ADCY9: variants seen among roughly 807,000 people sequenced by gnomAD.
The protein encoded by ADCY9 is adenylate cyclase 9.
In ADCY9, 50 loss-of-function variants were observed where a neutral mutation model predicts 101.5. The ratio of observed to expected loss-of-function variants is 0.49; its 90% CI spans 0.39 to 0.62. The LOEUF is 0.62. Ranked by LOEUF, ADCY9 falls within the 20% of genes least tolerant of loss-of-function variation. The pLI is 0.00. For synonymous variants in ADCY9, 905 were observed against 769.3 expected (o/e 1.18, Z -2.92); for missense variants, 1,662 against 1,800.4 (o/e 0.92, Z 1.39).
intron 9 of ADCY9, among the ~76,000 whole-genome samples, chr16:3,975,730 A>G (rs986417442): frequency 6.6e-6 from 1 of 152,224 alleles, no homozygotes; most frequent in African/African-American, 2.4e-5. Flanking sequence ...CTGTAATTGT[A>G]AACAGGCGGT....
At position 3,963,364 on chromosome 16, in the gene ADCY9, A is replaced by G. The variant is rs1006737353; in HGVS notation, c.*2411T>C. 1.5e-5 allele frequency: 6 copies of G among 398,644 alleles called. No homozygotes were observed. The highest frequency in any genetic ancestry group is 2.7e-5 in the Non-Finnish European group (6 of 226,000). 24.7% of individuals were successfully genotyped at this position (398,644 alleles called of 1,614,324 possible). Reference sequence around the variant, plus strand: ...TGTGCTCGCTGCCAACAGACAAGAGATGCACGGCGTTTCCGCTGCAGAGAT... The same window carrying G: ...TGTGCTCGCTGCCAACAGACAAGAGGTGCACGGCGTTTCCGCTGCAGAGAT... On this transcript the variant is annotated 3_prime_UTR_variant, in exon 11 of 11. Coordinates refer to ENST00000294016, the MANE Select transcript of ADCY9 (RefSeq NM_001116.4).
chr16:4,023,733 T>C (rs986831396), intron 2 of ADCY9, among the ~76,000 whole-genome samples: 1 of 152,118 alleles, frequency 6.6e-6, no homozygotes, highest in Non-Finnish European at 1.5e-5. Flanking sequence ...GCTAGCATGA[T>C]GAAACCCCGT....
chr16:3,959,062 C>A (rs1363835345), downstream of ADCY9, among the ~76,000 whole-genome samples: 1 of 151,990 alleles, frequency 6.6e-6, no homozygotes, highest in Non-Finnish European at 1.5e-5. Context: ...ACGTTAACAG[C>A]CCTATTTAAA....
At chr16:4,028,231 T>C (rs1380777342) in intron 2 of ADCY9, among the ~76,000 whole-genome samples, 1 of 152,198 alleles carries the variant, frequency 6.6e-6, no homozygotes, top group Non-Finnish European at 1.5e-5. Context: ...AATTATACGT[T>C]ACCATACAAT....
intron 2 of ADCY9, among the ~76,000 whole-genome samples, chr16:4,026,469 A>G (rs2601818): frequency 0.95 from 141,901 of 149,392 alleles, 67,807 homozygotes; most frequent in South Asian, 1. Flanking sequence ...ATGACCATAC[A>G]CCCAGAAACC....
At chr16:4,030,106 G>A (rs749498460) in intron 2 of ADCY9, among the ~76,000 whole-genome samples, 13 of 152,150 alleles carry the variant, frequency 8.5e-5, no homozygotes, top group Admixed American at 2.6e-4. Context: ...CGGTATTACC[G>A]ATGGAAGTTG....
chr16:4,006,818 G>A (rs1466461788), intron 3 of ADCY9, among the ~76,000 whole-genome samples: 3 of 152,148 alleles, frequency 2.0e-5, no homozygotes, highest in South Asian at 2.1e-4. Flanking sequence ...TCCAGAAACG[G>A]GCACTTCTAG....
downstream of ADCY9, among the ~76,000 whole-genome samples, chr16:3,958,828 G>A (rs573470260): frequency 3.3e-5 from 5 of 151,526 alleles, no homozygotes; most frequent in Admixed American, 1.3e-4. Flanking sequence ...CCACCACTAC[G>A]CCTGGCTGAT....
intron 9 of ADCY9, 144 bp downstream of exon 9, chr16:3,977,338 G>T: frequency 1.9e-6 from 2 of 1,041,034 alleles, no homozygotes; most frequent in Non-Finnish European, 2.8e-6. Flanking sequence ...TTGGTATGAT[G>T]TGTGCTGACA....
In ADCY9 at chr16:3,992,732, C is replaced by T. The variant is rs1011499868; in HGVS notation, c.1990-369G>A. Among the ~76,000 whole-genome samples the T allele has an allele frequency of 2.6e-5, 4 of 151,950 alleles. No homozygotes were observed. Among genetic ancestry groups the T allele is most frequent in the African/African-American group, 7.3e-5 (3 of 41,372 alleles). On this transcript the variant is annotated intron_variant, in intron 4 of 10. Transcript: ENST00000294016. This position sits in a 1 kb window ranked among gnomAD's most constrained non-coding sequence, Gnocchi z 4.2. ...GGTTCTGGGAGCAGGGTGCATGGGTCGGGGGTCCAGGAGAAGTATGACGAG... is the reference window on the plus strand; with the variant it reads ...GGTTCTGGGAGCAGGGTGCATGGGTTGGGGGTCCAGGAGAAGTATGACGAG...
intron 2 of ADCY9, among the ~76,000 whole-genome samples, chr16:4,065,425 T>C (rs2056795148): frequency 2.0e-5 from 3 of 152,196 alleles, no homozygotes; most frequent in South Asian, 2.1e-4. Flanking sequence ...TACTTACTAC[T>C]TGGAAAGCAT....
Position 3,966,067 on chromosome 16 carries a change from G to C in ADCY9, c.3770C>G (p.Ser1257Cys). Residue 1257 changes from serine to cysteine, a missense_variant, in exon 11 of 11, where the codon TCC becomes TGC. Ser to Cys is a moderately radical substitution (Grantham distance 112). Around this residue, in one of 5 missense-constraint regions of ADCY9, gnomAD observed 168 missense variants for 155.3 expected, o/e 1.08. Coordinates refer to ENST00000294016, the MANE Select transcript of ADCY9 (RefSeq NM_001116.4). ...CTGGACGCGGATGTCTGGGGAGATG[G>C]ACAGCTGGTGCTGTGGGATGACCCT... ...DHRVIPQHQL[S>C]ISPDIRVQVD... The C allele has an allele frequency of 6.2e-7, 1 of 1,614,222 alleles. No homozygotes were observed. The highest frequency in any genetic ancestry group is 2.2e-5 in the East Asian group (1 of 44,880).
intron 3 of ADCY9, among the ~76,000 whole-genome samples, chr16:4,000,968 T>TCTACACACACACACAC (rs1555508135): frequency 8.0e-6 from 1 of 125,258 alleles, no homozygotes; most frequent in Non-Finnish European, 1.7e-5. Flanking sequence ...TCCCTCTCTC[T>TCTACACACACACACAC]ACACACACAC....
chr16:4,091,915 G>A (rs191064515), intron 2 of ADCY9, among the ~76,000 whole-genome samples: 62 of 152,322 alleles, frequency 4.1e-4, no homozygotes, highest in Admixed American at 1.3e-3. Flanking sequence ...GTGAATGTGC[G>A]ATATGCCACT....
chr16:4,115,807 T>A lies in ADCY9; in HGVS notation c.-161A>T, dbSNP rs2057147857. 5.0e-6 allele frequency: 2 copies of A among 399,504 alleles called. No homozygotes were observed. Among genetic ancestry groups the A allele is most frequent in the Non-Finnish European group, 8.8e-6 (2 of 227,030 alleles). 24.7% of individuals were successfully genotyped at this position (399,504 alleles called of 1,614,324 possible). A position where few individuals can be genotyped will look rare whatever the true frequency, so the allele number is the denominator to read the frequency against. On this transcript the variant is annotated 5_prime_UTR_variant, in exon 1 of 11. Transcript: ENST00000294016. The surrounding 1 kb of genome is among the most constrained non-coding windows in gnomAD (Gnocchi z 6.2). ...CTCCGCGCCGCGCGGCTTCTCCTCC[T>A]CGCGCGCTCGCCTCCTCCAGCTGCG...
Position 3,966,967 on chromosome 16 carries a change from C to A in ADCY9, c.2871-1G>T. On this transcript the variant is annotated splice_acceptor_variant, in intron 10 of 10. Transcript: ENST00000294016. LOFTEE classifies it high-confidence loss of function. Reference sequence around the variant, plus strand: ...ACTATTGCACGGGTTCCTCTCGGAACTGGAGAGCAAAGACACGGGAAAGGG... The same window carrying A: ...ACTATTGCACGGGTTCCTCTCGGAAATGGAGAGCAAAGACACGGGAAAGGG... The A allele has an allele frequency of 6.2e-7, 1 of 1,607,740 alleles. No homozygotes were observed. The highest frequency in any genetic ancestry group is 8.5e-7 in the Non-Finnish European group (1 of 1,176,378).
intron 5 of ADCY9, among the ~76,000 whole-genome samples, chr16:3,956,979 A>C (rs1007525587): frequency 6.6e-6 from 1 of 152,178 alleles, no homozygotes; most frequent in African/African-American, 2.4e-5. Flanking sequence ...TCCACACATA[A>C]TTTAAGCAAT....
At chr16:4,001,051 A>G (rs1378713622) in intron 3 of ADCY9, among the ~76,000 whole-genome samples, 2 of 151,498 alleles carry the variant, frequency 1.3e-5, no homozygotes, top group Non-Finnish European at 2.9e-5. Flanking sequence ...ACTTGCAGAG[A>G]GTGGGAAAGA....
chr16:4,017,322 G>A (rs1490668544), intron 2 of ADCY9, among the ~76,000 whole-genome samples: 1 of 150,168 alleles, frequency 6.7e-6, no homozygotes, highest in Non-Finnish European at 1.5e-5. Flanking sequence ...AGCAGTAGCA[G>A]GTAAATGAAA....
Sources: allele counts gnomAD v4.1 joint callset (sites outside exome capture counted in the v4.1 genomes callset), GRCh38; gene constraint gnomAD v4.1.1; regional missense constraint gnomAD v4.1.1; non-coding constraint Gnocchi (gnomAD v3.1); transcripts MANE v1.5; gene names NCBI Gene and HGNC (gene_info 2026-07-23, HGNC 2026-07-21).